The following ARPP21 variants were observed in gnomAD, a reference collection of about 807,000 sequenced individuals.
ARPP21 encodes cAMP-regulated phosphoprotein 21.
ARPP21 carries 69 observed loss-of-function variants against 113.2 expected under a neutral mutation model. The observed-to-expected ratio is 0.61, with a 90% confidence interval of 0.50 to 0.74. The LOEUF is 0.74. Among genes scored for constraint, ARPP21 ranks in the 30% least tolerant of loss-of-function variants. ARPP21 has a pLI of 0.00. For missense variants in ARPP21, 1,070 were observed against 1,037.4 expected, an observed-to-expected ratio of 1.03 and a Z score of -0.43; for synonymous variants, 368 against 375.5, an observed-to-expected ratio of 0.98 and a Z score of 0.23.
At chr3:35,658,634 ATAAAG>A (rs944068226) in intron 1 of ARPP21, among the ~76,000 whole-genome samples, 21 of 152,150 alleles carry the variant, frequency 1.4e-4, no homozygotes, top group African/African-American at 4.8e-4. Context: ...TTGTGAGGAA[ATAAAG>A]TAATTTAAAT....
intron 1 of ARPP21, chr3:35,652,047 GA>G (rs780436867): frequency 1.9e-4 from 29 of 152,144 alleles, no homozygotes; most frequent in Admixed American, 1.6e-3. Context: ...TATAAGCTTG[GA>G]TGGGCAGTAG....
At chr3:35,747,371 A>G (rs2095130765) in intron 19 of ARPP21, among the ~76,000 whole-genome samples, 1 of 151,892 alleles carries the variant, frequency 6.6e-6, no homozygotes, top group East Asian at 1.9e-4. Flanking sequence ...AAAAAAAAAA[A>G]AAAAAAAGAA....
intron 1 of ARPP21, among the ~76,000 whole-genome samples, chr3:35,659,145 A>G (rs534147309): frequency 6.0e-4 from 92 of 152,292 alleles, no homozygotes; most frequent in African/African-American, 2.1e-3. Flanking sequence ...TAGATATGAA[A>G]ACACGATGTC....
intron 3 of ARPP21, among the ~76,000 whole-genome samples, 155 bp from the exon 4 acceptor site, chr3:35,682,693 G>A (rs1304726567): frequency 1.3e-4 from 19 of 151,564 alleles, no homozygotes. Context: ...CTCCCTAATG[G>A]TTGTGATGTT....
Position 35,770,503 on chromosome 3 carries a change from G to T in ARPP21, c.2138-21879G>T, listed in dbSNP as rs141487855. On this transcript the variant is annotated intron_variant, in intron 19 of 20. Transcript: ENST00000684406. ...CATATGGTTCTTTTCACCACAGGCA[G>T]AATTTACTGTTTGTAGTCAAACAGT... Among the ~76,000 whole-genome samples the T allele has an allele frequency of 3.5e-3, 535 of 152,278 alleles. 21 individuals carry two copies. The South Asian group carries it at 0.059, about 17-fold the overall frequency.
intron 19 of ARPP21, among the ~76,000 whole-genome samples, chr3:35,748,277 A>C (rs952719305): frequency 1.3e-5 from 2 of 148,824 alleles, no homozygotes; most frequent in African/African-American, 5.0e-5. Context: ...AGAGAAAGAA[A>C]GAAAAGGAGG....
chr3:35,735,704 CTAAG>C (rs1396614009), intron 15 of ARPP21, among the ~76,000 whole-genome samples: 2 of 152,334 alleles, frequency 1.3e-5, no homozygotes, highest in African/African-American at 4.8e-5. Flanking sequence ...CCCATTCTCT[CTAAG>C]TATTTTGCTC....
In ARPP21 at chr3:35,682,895, G is replaced by A. The variant is rs549349530; in HGVS notation, c.171+6G>A. ...AAGAAAGAAGAAAATCCAAGGTAGG[G>A]TTCTTAACATTCTAGGTAGACCTGA... On this transcript the variant is annotated splice_donor_region_variant and intron_variant, in intron 4 of 20. Transcript: ENST00000684406. 2.5e-6 allele frequency: 4 copies of A among 1,606,970 alleles called. No individual in the cohort carries two copies. Among genetic ancestry groups the A allele is most frequent in the South Asian group, 2.2e-5 (2 of 90,338 alleles).
intron 17 of ARPP21, 85 bp from the exon 18 acceptor site, chr3:35,739,232 A>C: frequency 6.8e-7 from 1 of 1,478,258 alleles, no homozygotes; most frequent in South Asian, 1.3e-5. Flanking sequence ...CAACTCCAAG[A>C]ATGTGTCCTG....
At chr3:35,777,731 AT>A (rs1447565910) in intron 19 of ARPP21, among the ~76,000 whole-genome samples, 1 of 152,130 alleles carries the variant, frequency 6.6e-6, no homozygotes, top group Non-Finnish European at 1.5e-5. Context: ...ATTGTTATCT[AT>A]TTGATCTCAG....
intron 4 of ARPP21, 124 bp from the exon 5 acceptor site, chr3:35,683,602 G>C (rs2079622318): frequency 1.5e-6 from 1 of 658,804 alleles, no homozygotes; most frequent in African/African-American, 1.8e-5. Context: ...CAGACTTGAA[G>C]TTTGGTTTTA....
chr3:35,788,665 C>T (rs1480127902), intron 19 of ARPP21, among the ~76,000 whole-genome samples: 1 of 152,190 alleles, frequency 6.6e-6, no homozygotes, highest in East Asian at 1.9e-4. Flanking sequence ...CTGTAACAAA[C>T]TACTCAAATA....
chr3:35,738,681 C>T (rs1039912016), intron 17 of ARPP21, among the ~76,000 whole-genome samples: 3 of 152,252 alleles, frequency 2.0e-5, no homozygotes, highest in African/African-American at 7.2e-5. Context: ...CCATTATCAC[C>T]CTATGCTCCT....
At chr3:35,656,470 T>C (rs546522994) in intron 1 of ARPP21, among the ~76,000 whole-genome samples, 2 of 152,206 alleles carry the variant, frequency 1.3e-5, no homozygotes, top group South Asian at 4.1e-4. Context: ...GAGTGGAATA[T>C]TGCTCAGCAG....
intron 9 of ARPP21, among the ~76,000 whole-genome samples, chr3:35,702,637 A>G (rs1421432331): frequency 6.6e-6 from 1 of 151,790 alleles, no homozygotes; most frequent in Non-Finnish European, 1.5e-5. Flanking sequence ...AGAAGAATAA[A>G]ATGAATTTTG....
At chr3:35,772,145 G>T (rs1454003943) in intron 19 of ARPP21, among the ~76,000 whole-genome samples, 2 of 152,154 alleles carry the variant, frequency 1.3e-5, no homozygotes, top group Admixed American at 1.3e-4. Flanking sequence ...TAAAACTGAT[G>T]AATTTGACAA....
At chr3:35,672,010 T>C (rs1263946283) in intron 1 of ARPP21, among the ~76,000 whole-genome samples, 4 of 152,068 alleles carry the variant, frequency 2.6e-5, no homozygotes, top group Admixed American at 6.6e-5. Context: ...ATTGTCTCTG[T>C]TTTTCCTTAC....
intron 1 of ARPP21, among the ~76,000 whole-genome samples, chr3:35,668,615 T>C (rs1256174438): frequency 6.6e-6 from 1 of 152,174 alleles, no homozygotes; most frequent in Non-Finnish European, 1.5e-5. Flanking sequence ...TCTGCCGTTT[T>C]TACATTTGCA....
chr3:35,698,052 A>G (rs1324763843), intron 9 of ARPP21, among the ~76,000 whole-genome samples: 2 of 151,580 alleles, frequency 1.3e-5, no homozygotes, highest in Non-Finnish European at 3.0e-5. Context: ...GGCAGTGAAA[A>G]TCATCTGACT....
Sources: gnomAD v4.1 joint callset for allele counts (sites outside exome capture counted in the v4.1 genomes callset) on GRCh38, gnomAD v4.1.1 for gene constraint, MANE v1.5 for transcripts, NCBI Gene and HGNC (gene_info 2026-07-23, HGNC 2026-07-21) for gene names.